Variants in RALGAPA1 observed in about 807,000 individuals in gnomAD.
RALGAPA1 encodes ral GTPase-activating protein subunit alpha-1.
A neutral mutation model predicts 269.6 loss-of-function variants in RALGAPA1; 52 were observed. The observed-to-expected ratio is 0.19, with a 90% CI of 0.15 to 0.24. RALGAPA1 has a LOEUF of 0.24. RALGAPA1 is among the 10% of genes least tolerant of loss of function. RALGAPA1 has a pLI of 1.00. For missense variants in RALGAPA1, 1,917 were observed against 3,013.9 expected (o/e 0.64, Z 8.52); for synonymous variants, 817 against 1,008.3 (o/e 0.81, Z 3.60).
intron 16 of RALGAPA1, among the ~76,000 whole-genome samples, chr14:35,702,937 A>C (rs1359672649): frequency 6.6e-6 from 1 of 151,882 alleles, no homozygotes; most frequent in African/African-American, 2.4e-5. Flanking sequence ...ACAGGGTTTC[A>C]CTGTGTTAGC....
At chr14:35,618,742 T>C (rs980745015) in intron 35 of RALGAPA1, among the ~76,000 whole-genome samples, 3 of 152,040 alleles carry the variant, frequency 2.0e-5, no homozygotes, top group Admixed American at 6.6e-5. Context: ...GAGAATTCAC[T>C]TCAGTGTTTG....
At chr14:35,574,358 A>G (rs986552060) in intron 37 of RALGAPA1, among the ~76,000 whole-genome samples, 6 of 152,224 alleles carry the variant, frequency 3.9e-5, no homozygotes, top group Admixed American at 1.3e-4. Context: ...AGCTTGTTCA[A>G]ATATCTTCTG....
At chr14:35,696,161 G>A (rs1170250629) in intron 17 of RALGAPA1, among the ~76,000 whole-genome samples, 1 of 152,168 alleles carries the variant, frequency 6.6e-6, no homozygotes, top group Non-Finnish European at 1.5e-5. Context: ...GGAGGCCAAG[G>A]TGTGGAGGAT....
chr14:35,743,820 G>A (rs538920206), intron 10 of RALGAPA1, among the ~76,000 whole-genome samples: 97 of 152,082 alleles, frequency 6.4e-4, no homozygotes, highest in Middle Eastern at 3.4e-3. Flanking sequence ...GTATAATCAA[G>A]TTCTATAGTT....
At chr14:35,579,649 G>C (rs1409478499) in intron 37 of RALGAPA1, among the ~76,000 whole-genome samples, 11 of 151,658 alleles carry the variant, frequency 7.3e-5, no homozygotes, top group Non-Finnish European at 1.6e-4. Context: ...ACAATGAGAG[G>C]CCTCTGCTAT....
intron 31 of RALGAPA1, among the ~76,000 whole-genome samples, chr14:35,641,343 C>T (rs1244776327): frequency 6.6e-6 from 1 of 152,046 alleles, no homozygotes; most frequent in Non-Finnish European, 1.5e-5. Flanking sequence ...TTTGGAAAGA[C>T]CTAAAGACTC....
intron 39 of RALGAPA1, among the ~76,000 whole-genome samples, chr14:35,549,672 G>A (rs149266426): frequency 2.0e-3 from 305 of 152,150 alleles, no homozygotes; most frequent in African/African-American, 6.1e-3. Context: ...AAGATACTAC[G>A]TCCAAAATTC....
At chr14:35,559,000 C>T (rs1013521394) in intron 39 of RALGAPA1, among the ~76,000 whole-genome samples, 4 of 152,142 alleles carry the variant, frequency 2.6e-5, no homozygotes, top group African/African-American at 9.7e-5. Flanking sequence ...CCATCATGTC[C>T]CTTGTGAAAT....
At chr14:35,568,459 AG>A (rs61094843) in intron 39 of RALGAPA1, among the ~76,000 whole-genome samples, 13,168 of 152,174 alleles carry the variant, frequency 0.087, 828 homozygotes, top group East Asian at 0.31. Context: ...AGACTAGGAA[AG>A]TGAGAATTTG....
intron 16 of RALGAPA1, among the ~76,000 whole-genome samples, chr14:35,703,586 G>T (rs555856942): frequency 1.3e-5 from 2 of 152,172 alleles, no homozygotes; most frequent in African/African-American, 4.8e-5. Context: ...ATACCTAGAA[G>T]TCTGTCAAGG....
chr14:35,595,726 T>A lies in RALGAPA1; in HGVS notation c.7117A>T (p.Thr2373Ser). The A allele has an allele frequency of 6.2e-7, 1 of 1,612,370 alleles. No individual in the cohort carries two copies. Among genetic ancestry groups the A allele is most frequent in the Non-Finnish European group, 8.5e-7 (1 of 1,178,616 alleles). ...GTAGAGGTAGCAAAATATGGAGTGG[T>A]CAATCCAGTGCTTTTGTTTTTTTGT... ...GLQKNKSTGL[T>S]TPYFATSTVE... The change falls in exon 37 of 42, where the codon ACC becomes TCC. Residue 2373 changes from threonine to serine, a missense_variant. Coordinates refer to ENST00000680220, the MANE Select transcript of RALGAPA1 (RefSeq NM_001346249.2).
At chr14:35,588,275 C>G (rs910608227) in intron 37 of RALGAPA1, among the ~76,000 whole-genome samples, 2 of 152,098 alleles carry the variant, frequency 1.3e-5, no homozygotes, top group Non-Finnish European at 2.9e-5. Flanking sequence ...GTCTTATTTG[C>G]TATGATAAAG....
At chr14:35,690,093 TAAAAAAA>T in intron 17 of RALGAPA1, 90 bp from the exon 18 acceptor site, 1 of 966,458 alleles carries the variant, frequency 1.0e-6, no homozygotes, top group Non-Finnish European at 1.5e-6. Context: ...GCATATGCTT[TAAAAAAA>T]ATCTGAGTTT....
At chr14:35,703,328 AT>A (rs1166124205) in intron 16 of RALGAPA1, among the ~76,000 whole-genome samples, 10 of 152,100 alleles carry the variant, frequency 6.6e-5, no homozygotes, top group Admixed American at 6.5e-5. Flanking sequence ...AAACTAAAAC[AT>A]TAGCTGGGTG....
At chr14:35,684,594 A>T (rs190837760) in intron 20 of RALGAPA1, among the ~76,000 whole-genome samples, 1 of 152,318 alleles carries the variant, frequency 6.6e-6, no homozygotes, top group East Asian at 1.9e-4. Flanking sequence ...TAATTTGGCA[A>T]CATAAAGTAG....
intron 1 of RALGAPA1, among the ~76,000 whole-genome samples, 169 bp from the exon 2 acceptor site, chr14:35,775,914 T>C (rs185005534): frequency 2.7e-4 from 41 of 152,348 alleles, no homozygotes; most frequent in African/African-American, 9.9e-4. Flanking sequence ...CTTAAAACTT[T>C]AGTCTTTGCC....
chr14:35,698,765 G>C (rs1364261759), intron 17 of RALGAPA1, among the ~76,000 whole-genome samples: 1 of 152,098 alleles, frequency 6.6e-6, no homozygotes, highest in Non-Finnish European at 1.5e-5. Context: ...TTTAAGAACA[G>C]AAACATTGTT....
chr14:35,725,247 C>T, intron 13 of RALGAPA1, 94 bp from the exon 14 acceptor site: 1 of 829,382 alleles, frequency 1.2e-6, no homozygotes, highest in South Asian at 3.6e-5. Flanking sequence ...TATAAAAATT[C>T]AAATATTAAA....
intron 37 of RALGAPA1, among the ~76,000 whole-genome samples, chr14:35,578,118 G>A (rs1254359811): frequency 6.6e-6 from 1 of 152,106 alleles, no homozygotes; most frequent in East Asian, 1.9e-4. Context: ...TTTTGCAGAT[G>A]CAACAATGAG....
Sources: gnomAD v4.1 joint callset for allele counts (sites outside exome capture counted in the v4.1 genomes callset) on GRCh38, gnomAD v4.1.1 for gene constraint, MANE v1.5 for transcripts, NCBI Gene and HGNC (gene_info 2026-07-23, HGNC 2026-07-21) for gene names.